PTPRT: variants seen among roughly 807,000 people sequenced by gnomAD.
PTPRT encodes the protein protein tyrosine phosphatase receptor type T.
In PTPRT, 56 loss-of-function variants were observed where a neutral mutation model predicts 176.8. That is an observed-to-expected ratio of 0.32 (90% CI 0.26 to 0.40). PTPRT has a LOEUF of 0.40. Ranked by LOEUF, PTPRT falls within the 10% of genes least tolerant of loss-of-function variation. PTPRT has a pLI of 1.00. For missense variants in PTPRT, 1,540 were observed against 1,908.2 expected (o/e 0.81, Z 3.60); for synonymous variants, 783 against 739.0 (o/e 1.06, Z -0.96).
At chr20:43,110,098 A>T (rs918483512) in intron 1 of PTPRT, among the ~76,000 whole-genome samples, 1 of 152,336 alleles carries the variant, frequency 6.6e-6, no homozygotes, top group East Asian at 1.9e-4. Flanking sequence ...GGAAGGTTCA[A>T]AATAGGGCAT....
intron 6 of PTPRT, among the ~76,000 whole-genome samples, chr20:42,709,259 T>G (rs1198969943): frequency 6.6e-6 from 1 of 152,212 alleles, no homozygotes; most frequent in African/African-American, 2.4e-5. Context: ...GTTTGTCCCC[T>G]CCACAGAATC....
intron 2 of PTPRT, among the ~76,000 whole-genome samples, chr20:42,849,456 A>G (rs1271037486): frequency 1.3e-5 from 2 of 152,224 alleles, no homozygotes; most frequent in African/African-American, 4.8e-5. Flanking sequence ...AAGTGGAAAC[A>G]GATCAGATGC....
chr20:42,482,778 A>C (rs1323392448), intron 7 of PTPRT, among the ~76,000 whole-genome samples: 2 of 152,134 alleles, frequency 1.3e-5, no homozygotes, highest in African/African-American at 4.8e-5. Context: ...ATTTACCCTG[A>C]AGTTTTTACT....
At chr20:42,249,989 C>A (rs2056523020) in intron 13 of PTPRT, among the ~76,000 whole-genome samples, 1 of 152,188 alleles carries the variant, frequency 6.6e-6, no homozygotes, top group South Asian at 2.1e-4. Context: ...TAACTCATTC[C>A]TTCTTTTCTT....
the PTPRT span, among the ~76,000 whole-genome samples, chr20:42,034,870 A>G: frequency 5.3e-5 from 8 of 152,266 alleles, no homozygotes; most frequent in African/African-American, 1.9e-4. Context: ...ATGAGGTTCA[A>G]TGTGGGTCTT....
intron 16 of PTPRT, among the ~76,000 whole-genome samples, chr20:42,182,349 T>A (rs1990559302): frequency 6.6e-6 from 1 of 152,190 alleles, no homozygotes; most frequent in Admixed American, 6.5e-5. Flanking sequence ...GATAGTGAGT[T>A]ATTGGTATAC....
At chr20:42,260,926 G>T (rs1219916161) in intron 13 of PTPRT, among the ~76,000 whole-genome samples, 1 of 152,202 alleles carries the variant, frequency 6.6e-6, no homozygotes, top group Admixed American at 6.5e-5. Context: ...TTCTCTGGAT[G>T]GCAGCTCTTG....
At chr20:42,053,477 G>A in the PTPRT span, among the ~76,000 whole-genome samples, 4 of 152,196 alleles carry the variant, frequency 2.6e-5, no homozygotes, top group African/African-American at 4.8e-5. Context: ...TCCGCTGTGG[G>A]CCTCAATGGA....
intron 13 of PTPRT, among the ~76,000 whole-genome samples, chr20:42,250,222 C>T (rs919921243): frequency 3.3e-5 from 5 of 152,202 alleles, no homozygotes; most frequent in Non-Finnish European, 1.5e-5. Context: ...GATTACGCCT[C>T]GTTTATCTTA....
At chr20:42,996,053 G>T (rs1984204496) in intron 1 of PTPRT, among the ~76,000 whole-genome samples, 1 of 152,054 alleles carries the variant, frequency 6.6e-6, no homozygotes, top group Admixed American at 6.6e-5. Flanking sequence ...GGCTGGTATT[G>T]CCATCTACTT....
chr20:42,727,772 C>A (rs1164989046), intron 6 of PTPRT, among the ~76,000 whole-genome samples: 1 of 152,146 alleles, frequency 6.6e-6, no homozygotes, highest in Non-Finnish European at 1.5e-5. Flanking sequence ...ACACATTTGA[C>A]CTTGTTACTT....
At chr20:42,086,751 A>ATATATATATATATATATATATAT (rs58059394) in intron 27 of PTPRT, among the ~76,000 whole-genome samples, 3 of 96,526 alleles carry the variant, frequency 3.1e-5, no homozygotes, top group African/African-American at 9.7e-5. Flanking sequence ...AAAAAAAAAA[A>ATATATATATATATATATATATAT]AAATATATAT....
intron 1 of PTPRT, among the ~76,000 whole-genome samples, chr20:42,930,291 G>A (rs1979749572): frequency 6.6e-6 from 1 of 152,074 alleles, no homozygotes; most frequent in African/African-American, 2.4e-5. Context: ...AGCTGAGGGG[G>A]CTGGATCCCT....
intron 7 of PTPRT, among the ~76,000 whole-genome samples, chr20:42,497,128 C>A (rs2071668845): frequency 6.6e-6 from 1 of 152,160 alleles, no homozygotes; most frequent in Non-Finnish European, 1.5e-5. Context: ...AGTCTAGCAG[C>A]TGGTGTTTAT....
the PTPRT span, among the ~76,000 whole-genome samples, chr20:42,064,468 A>G: frequency 1.3e-5 from 2 of 152,086 alleles, no homozygotes; most frequent in African/African-American, 4.8e-5. Flanking sequence ...TCTTAAGTCC[A>G]TTCCTGGGCT....
At chr20:42,566,255 C>G (rs2073037762) in intron 7 of PTPRT, among the ~76,000 whole-genome samples, 1 of 144,222 alleles carries the variant, frequency 6.9e-6, no homozygotes, top group Admixed American at 6.7e-5. Context: ...ACCACCTCAG[C>G]CTCCCAAGTA....
chr20:42,631,177 C>T (rs566147841), intron 7 of PTPRT, among the ~76,000 whole-genome samples: 1 of 152,280 alleles, frequency 6.6e-6, no homozygotes, highest in East Asian at 1.9e-4. Context: ...AGAAGGTCTA[C>T]AATCAATAGG....
intron 7 of PTPRT, among the ~76,000 whole-genome samples, chr20:42,654,056 G>A (rs1001739071): frequency 2.6e-5 from 4 of 152,108 alleles, no homozygotes; most frequent in Non-Finnish European, 5.9e-5. Flanking sequence ...GACAGGACAG[G>A]GGAGGCTGGA....
rs532369059 is a variant in PTPRT at position 42,788,778 on chromosome 20, G to A, written c.486+2417C>T. Among the ~76,000 whole-genome samples, 32 of 152,310 alleles carry A rather than the reference G, an allele frequency of 2.1e-4. No homozygotes were observed. In the South Asian group the frequency reaches 6.6e-3, roughly 32 times the overall value. On this transcript the variant is annotated intron_variant, in intron 3 of 30. Transcript: ENST00000373187. ...ATGAGCAGAACCAGCACCTCATAAA[G>A]GCCAGGTCCCTTCTGAGAGCCCAGC...
Sources: gnomAD v4.1 joint callset for allele counts (sites outside exome capture counted in the v4.1 genomes callset) on GRCh38, gnomAD v4.1.1 for gene constraint, MANE v1.5 for transcripts, NCBI Gene and HGNC (gene_info 2026-07-23, HGNC 2026-07-21) for gene names.